The following GAB2 variants were observed in gnomAD, a reference collection of about 807,000 sequenced individuals.
GAB2 encodes the protein GRB2 associated binding protein 2, also known as GRB2-associated-binding protein 2.
GAB2 carries 26 observed loss-of-function variants against 65.5 expected under a neutral mutation model. The ratio of observed to expected loss-of-function variants is 0.40; its 90% CI spans 0.29 to 0.55. The LOEUF is 0.55. Among genes scored for constraint, GAB2 ranks in the 20% least tolerant of loss-of-function variants. The pLI is 0.53. For synonymous variants in GAB2, 321 were observed against 329.6 expected (o/e 0.97, Z 0.28); for missense variants, 884 against 875.8 (o/e 1.01, Z -0.12).
chr11:78,321,069 G>C (rs1855714661), intron 1 of GAB2, among the ~76,000 whole-genome samples: 1 of 152,206 alleles, frequency 6.6e-6, no homozygotes, highest in Non-Finnish European at 1.5e-5. Flanking sequence ...TACTGAGGCA[G>C]GTTTCCCGAG....
At chr11:78,346,720 T>TAC (rs1856195345) in intron 1 of GAB2, among the ~76,000 whole-genome samples, 1 of 63,880 alleles carries the variant, frequency 1.6e-5, no homozygotes, top group East Asian at 6.1e-4. Context: ...TATATATATA[T>TAC]AATTTTTTTT....
At chr11:78,233,717 C>T (rs907038722) in intron 3 of GAB2, among the ~76,000 whole-genome samples, 17 of 152,172 alleles carry the variant, frequency 1.1e-4, no homozygotes, top group African/African-American at 4.1e-4. Context: ...AGCGATTCTC[C>T]AGCCTCAGCC....
At chr11:78,324,499 A>C (rs753785794) in intron 1 of GAB2, among the ~76,000 whole-genome samples, 38 of 152,210 alleles carry the variant, frequency 2.5e-4, no homozygotes, top group Non-Finnish European at 7.3e-5. Context: ...ATGGAATGCC[A>C]AGGGAGTATA....
chr11:78,393,509 T>A (rs1482344364), intron 1 of GAB2, among the ~76,000 whole-genome samples: 1 of 152,322 alleles, frequency 6.6e-6, no homozygotes, highest in East Asian at 1.9e-4. Flanking sequence ...AATTAAAATG[T>A]CTAATATCAA....
intron 2 of GAB2, 25 bp downstream of exon 2, chr11:78,280,576 G>A: frequency 1.3e-6 from 2 of 1,587,524 alleles, no homozygotes; most frequent in Non-Finnish European, 1.7e-6. Context: ...CCCCCTATGA[G>A]AAAGATCTGT....
chr11:78,226,310 G>A (rs1390788566), intron 4 of GAB2, among the ~76,000 whole-genome samples, 155 bp downstream of exon 4: 1 of 152,106 alleles, frequency 6.6e-6, no homozygotes. Context: ...AACTGGTAAG[G>A]GATCTGGGTA....
rs569887849 is a variant in GAB2 at position 78,367,821 on chromosome 11, CTTT to C, written c.75+49822_75+49824del. 5.9e-3 allele frequency among the ~76,000 whole-genome samples: 688 copies of C among 116,070 alleles called. 4 individuals are homozygous for C. The highest frequency in any genetic ancestry group is 0.025 in the Middle Eastern group (5 of 200). The allele number at this position is 116,070 out of a possible 152,430, so 76.1% of individuals were successfully genotyped here. A position where few individuals can be genotyped will look rare whatever the true frequency, so the allele number is the denominator to read the frequency against. ...TATGTCAGTGCTTAATTTTCTTTTT[CTTT>C]TTTTTTTTTTTTTTTTTTGAGACGG... is the stretch of plus-strand genomic sequence containing the variant. On this transcript the variant is annotated intron_variant, in intron 1 of 9. Transcript: ENST00000361507.
intron 1 of GAB2, among the ~76,000 whole-genome samples, chr11:78,311,770 A>G (rs1379138821): frequency 6.6e-6 from 1 of 152,224 alleles, no homozygotes; most frequent in Non-Finnish European, 1.5e-5. Context: ...CAAGACACCT[A>G]GAAAGCCTGA....
chr11:78,224,430 C>T (rs1864561123), intron 5 of GAB2, among the ~76,000 whole-genome samples: 1 of 152,122 alleles, frequency 6.6e-6, no homozygotes, highest in Non-Finnish European at 1.5e-5. Context: ...TTCCCCAGTC[C>T]AGGTTTCTAA....
chr11:78,295,728 G>A (rs923336170), intron 1 of GAB2, among the ~76,000 whole-genome samples: 1 of 152,184 alleles, frequency 6.6e-6, no homozygotes, highest in Non-Finnish European at 1.5e-5. Context: ...AGTCACAGAA[G>A]TTTTACAGGA....
chr11:78,301,990 T>C (rs1170819528), intron 1 of GAB2, among the ~76,000 whole-genome samples: 1 of 152,170 alleles, frequency 6.6e-6, no homozygotes, highest in African/African-American at 2.4e-5. Context: ...AAGCCACATG[T>C]AGTAGAATGA....
At chr11:78,372,012 A>G (rs2134729134) in intron 1 of GAB2, among the ~76,000 whole-genome samples, 1 of 152,230 alleles carries the variant, frequency 6.6e-6, no homozygotes. Context: ...AAATAATATA[A>G]ACTATTACTC....
chr11:78,314,154 G>C (rs1855555044), intron 1 of GAB2, among the ~76,000 whole-genome samples: 1 of 152,202 alleles, frequency 6.6e-6, no homozygotes, highest in African/African-American at 2.4e-5. Context: ...TGAGGTGCTT[G>C]ACATAGGGCT....
rs1864170782 is a variant in GAB2, at chr11:78,216,796, G to C, written c.*2476C>G. 6.6e-6 allele frequency: 1 copy of C among 152,308 alleles called. No homozygotes were observed. The highest frequency in any genetic ancestry group is 2.4e-5 in the African/African-American group (1 of 41,460). The allele number at this position is 152,308 out of a possible 1,614,324, so 9.4% of individuals were successfully genotyped here. Reference sequence around the variant, plus strand: ...TGCTGCGGGTACAGGGAAGGCACCAGTTAAAAGCTCTGTCGTATGGGGCCC... The same window carrying C: ...TGCTGCGGGTACAGGGAAGGCACCACTTAAAAGCTCTGTCGTATGGGGCCC... On this transcript the variant is annotated 3_prime_UTR_variant, in exon 10 of 10. Transcript: ENST00000361507.
Position 78,223,490 on chromosome 11 carries a change from G to A in GAB2, c.1489C>T (p.Pro497Ser). 1 of 1,609,688 alleles carries A rather than the reference G, an allele frequency of 6.2e-7. No homozygotes were observed. Among genetic ancestry groups the A allele is most frequent in the Non-Finnish European group, 8.5e-7 (1 of 1,177,658 alleles). The change falls in exon 6 of 10, where the codon CCT (proline) becomes TCT (serine). Residue 497 changes from proline (P) to serine (S), a missense_variant. Coordinates refer to ENST00000361507, the MANE Select transcript of GAB2 (RefSeq NM_080491.3). ...CCTCTGCTGGGGCCTCGGTGCACAG[G>A]AAGGGTTGTTGATGGGTAGCCAAGT... Reference protein sequence around the residue: ...DSLGYPSTTLPVHRGPSRGSE... With the variant: ...DSLGYPSTTLSVHRGPSRGSE...
intron 1 of GAB2, among the ~76,000 whole-genome samples, chr11:78,404,756 G>A (rs987451916): frequency 1.3e-5 from 2 of 152,210 alleles, no homozygotes; most frequent in South Asian, 2.1e-4. Context: ...ATACTGGAAA[G>A]GACAGTGGGA....
At chr11:78,408,591 T>C (rs1340622865) in intron 1 of GAB2, among the ~76,000 whole-genome samples, 1 of 152,122 alleles carries the variant, frequency 6.6e-6, no homozygotes, top group Non-Finnish European at 1.5e-5. Flanking sequence ...ATCAGCACAG[T>C]GGATTAAAAA....
intron 1 of GAB2, among the ~76,000 whole-genome samples, chr11:78,319,667 A>C (rs577980564): frequency 2.6e-5 from 4 of 152,362 alleles, no homozygotes; most frequent in African/African-American, 9.6e-5. Context: ...AATCATACTT[A>C]GCAGAGAGCC....
chr11:78,348,322 A>C (rs1856222536), intron 1 of GAB2, among the ~76,000 whole-genome samples: 1 of 152,230 alleles, frequency 6.6e-6, no homozygotes, highest in Non-Finnish European at 1.5e-5. Context: ...ATTGAAGGAA[A>C]TGTTTAATAT....
Sources: allele counts gnomAD v4.1 joint callset (sites outside exome capture counted in the v4.1 genomes callset), GRCh38; gene constraint gnomAD v4.1.1; transcripts MANE v1.5; gene names NCBI Gene and HGNC (gene_info 2026-07-23, HGNC 2026-07-21).